Variants in PLCL2 observed in about 807,000 individuals in gnomAD.
PLCL2 encodes the protein phospholipase C like 2, also known as inactive phospholipase C-like protein 2.
PLCL2 carries 4 observed loss-of-function variants against 79.6 expected under a neutral mutation model. That is an observed-to-expected ratio of 0.05 (90% CI 0.02 to 0.11). The LOEUF (loss-of-function observed/expected upper bound fraction) is 0.11. Among genes scored for constraint, PLCL2 ranks in the 10% least tolerant of loss-of-function variants. The pLI, the probability that PLCL2 is intolerant of heterozygous loss-of-function variation, is 1.00. For synonymous variants in PLCL2, 484 were observed against 457.7 expected, an observed-to-expected ratio of 1.06 and a Z score of -0.73; for missense variants, 895 against 1,291.0, an observed-to-expected ratio of 0.69 and a Z score of 4.70.
chr3:16,966,713 C>T (rs947402485), intron 1 of PLCL2, among the ~76,000 whole-genome samples: 2 of 151,982 alleles, frequency 1.3e-5, no homozygotes, highest in African/African-American at 4.8e-5. Context: ...TTGGTCTATT[C>T]AGAGATTTAA....
In PLCL2 at chr3:17,003,912, T is replaced by A. The variant is rs1049777580; in HGVS notation, c.328-5762T>A. ...TCTCAGGAGCACCCATGGAGAAGAT[T>A]TACAAATGAGTGCAAACTCTTCCTG... On this transcript the variant is annotated intron_variant, in intron 1 of 5. Transcript: ENST00000615277. 4.9e-4 allele frequency among the ~76,000 whole-genome samples: 74 copies of A among 152,054 alleles called. 1 individual carries two copies. Among genetic ancestry groups the A allele is most frequent in the Non-Finnish European group, 2.9e-5 (2 of 68,016 alleles).
Position 16,887,232 on chromosome 3 carries a change from G to T in PLCL2, c.327+1866G>T, listed in dbSNP as rs1212967055. Among the ~76,000 whole-genome samples, 1 of 152,148 alleles carries T rather than the reference G, an allele frequency of 6.6e-6. No individual in the cohort carries two copies. Among genetic ancestry groups the T allele is most frequent in the South Asian group, 2.1e-4 (1 of 4,828 alleles). On this transcript the variant is annotated intron_variant, in intron 1 of 5. Transcript: ENST00000615277. This position sits in a 1 kb window ranked among gnomAD's most constrained non-coding sequence, Gnocchi z 4.1. Reference sequence around the variant, plus strand: ...TATGTTGAATTCTGAAACTTTTAAGGATATTTTGTCATTTTTCTTCTTTGT... The same window carrying T: ...TATGTTGAATTCTGAAACTTTTAAGTATATTTTGTCATTTTTCTTCTTTGT...
chr3:17,067,160 A>C (rs2124942793), intron 4 of PLCL2, among the ~76,000 whole-genome samples: 1 of 152,244 alleles, frequency 6.6e-6, no homozygotes, highest in Middle Eastern at 3.4e-3. Context: ...AGAACATCAT[A>C]TTTTTCACTG....
intron 1 of PLCL2, among the ~76,000 whole-genome samples, chr3:16,911,572 G>A (rs962163445): frequency 3.9e-5 from 6 of 152,046 alleles, no homozygotes; most frequent in African/African-American, 1.4e-4. Flanking sequence ...GGAGTTCAGT[G>A]CCTCCTTTCC....
chr3:17,081,415 C>T (rs2065161236), intron 5 of PLCL2: 1 of 340,796 alleles, frequency 2.9e-6, no homozygotes, highest in African/African-American at 2.2e-5. Context: ...CTGGATCCCT[C>T]ACCTCAGAAG....
rs1052965380 is a variant in PLCL2, at chr3:16,931,157, A to T, written c.327+45791A>T. Among the ~76,000 whole-genome samples, 59 of 147,444 alleles carry T rather than the reference A, an allele frequency of 4.0e-4. 2 individuals are homozygous for T. The South Asian group carries it at 0.01, about 26-fold the overall frequency. ...CACTTCTTCCTCTGGATTGCCATTT[A>T]TTTTTTTTTTTAACTCTAATGCTCA... On this transcript the variant is annotated intron_variant, in intron 1 of 5. Transcript: ENST00000615277.
At chr3:16,933,618 TTTTA>T (rs907096413) in intron 1 of PLCL2, among the ~76,000 whole-genome samples, 1 of 152,080 alleles carries the variant, frequency 6.6e-6, no homozygotes, top group African/African-American at 2.4e-5. Flanking sequence ...TGTTCAGCAT[TTTTA>T]TTTCTTTTTT....
At chr3:16,932,087 T>G (rs965587618) in intron 1 of PLCL2, among the ~76,000 whole-genome samples, 1 of 152,184 alleles carries the variant, frequency 6.6e-6, no homozygotes, top group Non-Finnish European at 1.5e-5. Context: ...ACTTCCAGCC[T>G]TCAGAACTGT....
At position 17,000,238 on chromosome 3, in the gene PLCL2, G is replaced by A. The variant is rs1221899881; in HGVS notation, c.328-9436G>A. On this transcript the variant is annotated intron_variant, in intron 1 of 5. Coordinates refer to ENST00000615277, the MANE Select transcript of PLCL2 (RefSeq NM_001144382.2). ...TTATATGTAGTACATTTGCAGGCTG[G>A]TGGCCAAGTAAACAACTTGTAGATA... is the stretch of plus-strand genomic sequence containing the variant. 3.3e-5 allele frequency among the ~76,000 whole-genome samples: 5 copies of A among 152,102 alleles called. No homozygotes were observed. The South Asian group carries it at 8.3e-4, about 25-fold the overall frequency.
chr3:16,958,962 C>G (rs1442779088), intron 1 of PLCL2, among the ~76,000 whole-genome samples: 2 of 152,130 alleles, frequency 1.3e-5, no homozygotes, highest in Non-Finnish European at 2.9e-5. Flanking sequence ...ACTCTGTTTT[C>G]CACTACCAAA....
intron 1 of PLCL2, among the ~76,000 whole-genome samples, chr3:16,965,586 C>CAT (rs1366047093): frequency 4.7e-5 from 7 of 150,126 alleles, no homozygotes; most frequent in Non-Finnish European, 1.0e-4. Context: ...ATGGGGATGG[C>CAT]ATTGAATCTA....
chr3:16,939,894 G>A (rs1697636796), intron 1 of PLCL2, among the ~76,000 whole-genome samples: 2 of 152,180 alleles, frequency 1.3e-5, no homozygotes, highest in Non-Finnish European at 2.9e-5. Flanking sequence ...TTCCTTCCGG[G>A]CATTGGGGGA....
At chr3:17,047,689 G>A (rs2064795150) in intron 4 of PLCL2, among the ~76,000 whole-genome samples, 2 of 152,104 alleles carry the variant, frequency 1.3e-5, no homozygotes, top group Middle Eastern at 3.2e-3. Flanking sequence ...TTGAACATTT[G>A]TTTTAAAGAC....
At chr3:16,996,890 C>T (rs1290941873) in intron 1 of PLCL2, among the ~76,000 whole-genome samples, 2 of 152,012 alleles carry the variant, frequency 1.3e-5, no homozygotes, top group East Asian at 3.9e-4. Flanking sequence ...AATTATTTAC[C>T]TATCTGTCCT....
intron 1 of PLCL2, among the ~76,000 whole-genome samples, chr3:16,967,974 T>C (rs910485932): frequency 6.6e-6 from 1 of 152,190 alleles, no homozygotes; most frequent in Non-Finnish European, 1.5e-5. Flanking sequence ...TTCAATCTTC[T>C]GCATATGGCT....
At position 16,931,613 on chromosome 3, in the gene PLCL2, C is replaced by A. The variant is rs114831313; in HGVS notation, c.327+46247C>A. Among the ~76,000 whole-genome samples, 583 of 152,234 alleles carry A rather than the reference C, an allele frequency of 3.8e-3. 2 individuals are homozygous for A. Among genetic ancestry groups the A allele is most frequent in the African/African-American group, 0.014 (565 of 41,516 alleles). On this transcript the variant is annotated intron_variant, in intron 1 of 5. Transcript: ENST00000615277. ...CCTCACAAATATTATTTATAGAGAA[C>A]ATGCATTGGTCTTAGAGTCTGAGGG...
At chr3:17,043,003 T>C (rs1466005428) in intron 4 of PLCL2, 54 bp downstream of exon 4, 1 of 1,171,838 alleles carries the variant, frequency 8.5e-7, no homozygotes, top group Non-Finnish European at 1.3e-6. Context: ...ATCATATACT[T>C]TGCCCCAAAA....
intron 1 of PLCL2, among the ~76,000 whole-genome samples, chr3:16,917,549 T>TA (rs1697025811): frequency 1.3e-5 from 2 of 152,138 alleles, no homozygotes; most frequent in Non-Finnish European, 2.9e-5. Context: ...GCTTCCATAC[T>TA]CACATGTTGG....
chr3:16,933,967 G>A (rs200287786), intron 1 of PLCL2, among the ~76,000 whole-genome samples: 6 of 151,942 alleles, frequency 3.9e-5, no homozygotes, highest in Admixed American at 1.3e-4. Flanking sequence ...CTCAGGAGGC[G>A]GAGGCAGGAG....
Sources: allele counts gnomAD v4.1 joint callset (sites outside exome capture counted in the v4.1 genomes callset), GRCh38; gene constraint gnomAD v4.1.1; non-coding constraint Gnocchi (gnomAD v3.1); transcripts MANE v1.5; gene names NCBI Gene and HGNC (gene_info 2026-07-23, HGNC 2026-07-21).